The following DST variants were observed in gnomAD, a reference collection of about 807,000 sequenced individuals.
DST encodes the protein dystonin.
A neutral mutation model predicts 875.2 loss-of-function variants in DST; 253 were observed. That is an observed-to-expected ratio of 0.29 (90% CI 0.26 to 0.32). The LOEUF (loss-of-function observed/expected upper bound fraction) is 0.32, where lower values mean the gene tolerates loss of function less well. Among genes scored for constraint, DST ranks in the 10% least tolerant of loss-of-function variants. The pLI is 1.00. For missense variants in DST, 8,287 were observed against 9,111.6 expected, an observed-to-expected ratio of 0.91 and a Z score of 3.68; for synonymous variants, 3,124 against 3,197.1, an observed-to-expected ratio of 0.98 and a Z score of 0.77.
intron 88 of DST, chr6:56,483,860 G>C (rs1462169564): frequency 6.6e-6 from 1 of 152,058 alleles, no homozygotes; most frequent in African/African-American, 2.4e-5. Context: ...AACTCTAACA[G>C]TTAAAATGAG....
chr6:56,720,112 C>T (rs555055003), intron 5 of DST, among the ~76,000 whole-genome samples: 3 of 152,168 alleles, frequency 2.0e-5, no homozygotes, highest in Non-Finnish European at 4.4e-5. Flanking sequence ...GAGTTTATTT[C>T]ATCCCTACAG....
intron 67 of DST, among the ~76,000 whole-genome samples, chr6:56,528,371 T>C (rs951244480): frequency 1.3e-5 from 2 of 152,208 alleles, no homozygotes; most frequent in Non-Finnish European, 2.9e-5. Context: ...TTCCCTGAGT[T>C]GTCCTAAAAA....
At chr6:56,846,894 C>A (rs1457592808) in intron 4 of DST, among the ~76,000 whole-genome samples, 1 of 150,478 alleles carries the variant, frequency 6.6e-6, no homozygotes, top group Non-Finnish European at 1.5e-5. Flanking sequence ...TCCCAGCTAC[C>A]TGGGAGGCTA....
At chr6:56,647,742 G>A (rs961316456) in intron 13 of DST, among the ~76,000 whole-genome samples, 5 of 150,622 alleles carry the variant, frequency 3.3e-5, no homozygotes, top group African/African-American at 1.2e-4. Context: ...ATGGAGTGCA[G>A]TGATGCGATC....
intron 64 of DST, among the ~76,000 whole-genome samples, chr6:56,532,138 G>C (rs988845071): frequency 6.6e-6 from 1 of 152,172 alleles, no homozygotes; most frequent in Non-Finnish European, 1.5e-5. Flanking sequence ...GGAAATGCTT[G>C]TCTTAAAAAG....
intron 2 of DST, among the ~76,000 whole-genome samples, chr6:56,920,625 T>C (rs1332185955): frequency 6.6e-6 from 1 of 152,114 alleles, no homozygotes; most frequent in African/African-American, 2.4e-5. Flanking sequence ...AAAAGCAAAT[T>C]ATGCAGCTTT....
intron 10 of DST, among the ~76,000 whole-genome samples, chr6:56,663,042 A>G (rs114066504): frequency 1.3e-3 from 193 of 152,360 alleles, no homozygotes; most frequent in African/African-American, 4.4e-3. Context: ...TCTGTAAATT[A>G]ATCTAGGCAA....
At chr6:56,757,310 TA>T (rs1170028043) in intron 4 of DST, among the ~76,000 whole-genome samples, 1 of 152,174 alleles carries the variant, frequency 6.6e-6, no homozygotes, top group Non-Finnish European at 1.5e-5. Context: ...GTGTTTATAA[TA>T]ATGGGGAAAG....
chr6:56,845,074 TA>T (rs1217013273), intron 4 of DST, among the ~76,000 whole-genome samples: 2 of 152,220 alleles, frequency 1.3e-5, no homozygotes, highest in Non-Finnish European at 2.9e-5. Context: ...CTGCACCTAC[TA>T]CTTTATTTAG....
chr6:56,952,486 C>T (rs576893390), intron 2 of DST, among the ~76,000 whole-genome samples: 6 of 152,194 alleles, frequency 3.9e-5, no homozygotes, highest in Admixed American at 6.5e-5. Context: ...TGTTGCTTTA[C>T]GATAGTCCCG....
chr6:56,695,380 C>CT (rs1226621954), intron 9 of DST, among the ~76,000 whole-genome samples: 3 of 150,522 alleles, frequency 2.0e-5, no homozygotes, highest in Admixed American at 6.6e-5. Flanking sequence ...TCAGGTATGC[C>CT]TTTACAGCAA....
intron 15 of DST, among the ~76,000 whole-genome samples, chr6:56,644,426 T>G (rs1409626295): frequency 6.6e-6 from 1 of 152,084 alleles, no homozygotes; most frequent in Non-Finnish European, 1.5e-5. Context: ...GAAGTCAATG[T>G]GTAAGGCACA....
At chr6:56,463,192 A>G (rs1412769664) in intron 101 of DST, 36 bp from the exon 102 acceptor site, 1 of 1,293,806 alleles carries the variant, frequency 7.7e-7, no homozygotes, top group South Asian at 1.2e-5. Flanking sequence ...TGAAAAGGAT[A>G]GCAGATAAAA....
intron 82 of DST, among the ~76,000 whole-genome samples, chr6:56,496,318 T>C (rs1228179218): frequency 6.6e-6 from 1 of 152,132 alleles, no homozygotes; most frequent in Non-Finnish European, 1.5e-5. Flanking sequence ...TCATCTTTCT[T>C]AGGAGCCAAC....
chr6:56,642,768 A>G (rs1390195216), intron 15 of DST: 2 of 1,613,952 alleles, frequency 1.2e-6, no homozygotes, highest in Non-Finnish European at 1.7e-6. Flanking sequence ...TGCTACGGTA[A>G]CTATAACTAC....
chr6:56,589,241 A>G (rs2098224104), intron 49 of DST, among the ~76,000 whole-genome samples: 1 of 152,212 alleles, frequency 6.6e-6, no homozygotes, highest in Non-Finnish European at 1.5e-5. Flanking sequence ...GAAGTGCATT[A>G]TAAAAGAAGC....
chr6:56,631,876 C>T lies in DST; in HGVS notation c.3963+7G>A, dbSNP rs371216097. The T allele has an allele frequency of 2.9e-5, 46 of 1,613,344 alleles. No individual in the cohort carries two copies. Among genetic ancestry groups the T allele is most frequent in the Admixed American group, 2.5e-4 (15 of 59,992 alleles). ...AGTTTTTTTCCCAACATATTTATAG[C>T]TCTCACCTCCTGTTCTGTGATTCTG... On this transcript the variant is annotated splice_region_variant and intron_variant, in intron 29 of 103. Coordinates refer to ENST00000680361, the MANE Select transcript of DST (RefSeq NM_001374736.1).
intron 4 of DST, among the ~76,000 whole-genome samples, chr6:56,756,423 G>A (rs1175695592): frequency 6.6e-6 from 1 of 152,154 alleles, no homozygotes; most frequent in African/African-American, 2.4e-5. Flanking sequence ...CACGGCCTGA[G>A]TCACAAGAAT....
intron 2 of DST, among the ~76,000 whole-genome samples, chr6:56,932,776 C>A (rs1460561): frequency 0.13 from 20,235 of 151,504 alleles, 1,764 homozygotes; most frequent in Middle Eastern, 0.23. Context: ...CTCATCCAGT[C>A]CCAGAGTGAG....
Sources: gnomAD v4.1 joint callset for allele counts (sites outside exome capture counted in the v4.1 genomes callset) on GRCh38, gnomAD v4.1.1 for gene constraint, MANE v1.5 for transcripts, NCBI Gene and HGNC (gene_info 2026-07-23, HGNC 2026-07-21) for gene names.